ARID3B: variants seen among roughly 807,000 people sequenced by gnomAD.
ARID3B encodes the protein AT-rich interaction domain 3B, also known as AT-rich interactive domain-containing protein 3B.
A neutral mutation model predicts 51.9 loss-of-function variants in ARID3B; 10 were observed. The ratio of observed to expected loss-of-function variants is 0.19; its 90% CI spans 0.12 to 0.33. The LOEUF (loss-of-function observed/expected upper bound fraction) is 0.33. Ranked by LOEUF, ARID3B falls within the 10% of genes least tolerant of loss-of-function variation. The probability of loss-of-function intolerance (pLI) is 1.00; values close to 1 mark genes in which losing one functional copy is unlikely to be tolerated. For synonymous variants in ARID3B, 205 were observed against 279.5 expected, an observed-to-expected ratio of 0.73 and a Z score of 2.66; for missense variants, 483 against 716.3, an observed-to-expected ratio of 0.67 and a Z score of 3.72.
intron 1 of ARID3B, 139 bp from the exon 2 acceptor site, chr15:74,543,721 C>G: frequency 1.8e-6 from 1 of 543,792 alleles, no homozygotes. Flanking sequence ...ACTCACTCAT[C>G]TTAAAACTCA....
intron 4 of ARID3B, among the ~76,000 whole-genome samples, chr15:74,586,597 C>T (rs925275846): frequency 6.6e-6 from 1 of 152,220 alleles, no homozygotes; most frequent in Non-Finnish European, 1.5e-5. Flanking sequence ...CAGCCGGGTG[C>T]GTGGCTCACG....
At chr15:74,564,799 A>T (rs2061691840) in intron 2 of ARID3B, among the ~76,000 whole-genome samples, 1 of 151,844 alleles carries the variant, frequency 6.6e-6, no homozygotes, top group Non-Finnish European at 1.5e-5. Flanking sequence ...ATGGGGTTTC[A>T]CCATGTTGCC....
intron 4 of ARID3B, among the ~76,000 whole-genome samples, chr15:74,579,872 T>TGTGTGTGTGTGTGTGTGTGC (rs1488209764): frequency 1.7e-5 from 2 of 118,936 alleles, no homozygotes; most frequent in Non-Finnish European, 3.3e-5. Flanking sequence ...TGTGTGTGTG[T>TGTGTGTGTGTGTGTGTGTGC]GCGCGCGCGC....
intron 2 of ARID3B, among the ~76,000 whole-genome samples, chr15:74,569,244 G>A (rs2061710597): frequency 6.6e-6 from 1 of 152,192 alleles, no homozygotes; most frequent in Admixed American, 6.5e-5. Context: ...CCCACCCAAT[G>A]AAAGGGGGAG....
chr15:74,565,868 G>C (rs1392307137), intron 2 of ARID3B, among the ~76,000 whole-genome samples: 2 of 152,100 alleles, frequency 1.3e-5, no homozygotes, highest in Admixed American at 1.3e-4. Flanking sequence ...CCTGCTGCCA[G>C]GTGCCATAAC....
chr15:74,593,196 C>T lies in ARID3B; in HGVS notation c.1479C>T (p.Ser493=), dbSNP rs1316845350. 1.9e-6 allele frequency: 3 copies of T among 1,613,698 alleles called. No individual in the cohort carries two copies. Among genetic ancestry groups the T allele is most frequent in the Admixed American group, 3.3e-5 (2 of 60,028 alleles). The change falls in exon 8 of 9, where the codon AGC becomes AGT. Residue 493 remains serine, a synonymous_variant. Transcript: ENST00000346246. ...ALNLTTSSIG[S]INMSVDIDGT... ...ACCTGACCACGAGTAGCATTGGGAG[C>T]ATTAACATGTCTGTGGACATCGATG...
intron 8 of ARID3B, among the ~76,000 whole-genome samples, chr15:74,594,220 G>A (rs1481040112): frequency 2.0e-5 from 3 of 152,176 alleles, no homozygotes; most frequent in Admixed American, 1.3e-4. Context: ...AGGCCAAGGC[G>A]GGTGGATCAC....
chr15:74,543,078 G>A (rs1379372466), intron 1 of ARID3B, among the ~76,000 whole-genome samples: 1 of 152,216 alleles, frequency 6.6e-6, no homozygotes, highest in Non-Finnish European at 1.5e-5. Context: ...AGACAATGTT[G>A]ATATCTGTTT....
At chr15:74,587,405 G>GTTCCTGCC (rs2061785504) in intron 4 of ARID3B, among the ~76,000 whole-genome samples, 2 of 152,232 alleles carry the variant, frequency 1.3e-5, no homozygotes, top group African/African-American at 2.4e-5. Context: ...CTGACACGAG[G>GTTCCTGCC]TTCCTGCCTT....
rs1181094013 is a variant in ARID3B at position 74,596,624 on chromosome 15, C to T, written c.*850C>T. 8 of 233,800 alleles carry T rather than the reference C, an allele frequency of 3.4e-5. No homozygotes were observed. The highest frequency in any genetic ancestry group is 1.8e-4 in the East Asian group (3 of 16,600). 14.5% of individuals were successfully genotyped at this position (233,800 alleles called of 1,614,324 possible). A position where few individuals can be genotyped will look rare whatever the true frequency, so the allele number is the denominator to read the frequency against. ...GTCCTCCCCAGCCTTCTTCAGCCTTCTTCAGCTCAGCCCTCTTCTATTTCT... is the reference window on the plus strand; with the variant it reads ...GTCCTCCCCAGCCTTCTTCAGCCTTTTTCAGCTCAGCCCTCTTCTATTTCT... On this transcript the variant is annotated 3_prime_UTR_variant, in exon 9 of 9. Coordinates refer to ENST00000346246, the MANE Select transcript of ARID3B (RefSeq NM_006465.4).
intron 2 of ARID3B, among the ~76,000 whole-genome samples, chr15:74,553,618 G>A (rs1395319851): frequency 2.0e-5 from 3 of 151,972 alleles, no homozygotes; most frequent in Non-Finnish European, 4.4e-5. Flanking sequence ...ATTGTAGTTG[G>A]GAAACGAGCA....
At chr15:74,578,188 G>T (rs8025915) in intron 4 of ARID3B, among the ~76,000 whole-genome samples, 34,926 of 147,934 alleles carry the variant, frequency 0.24, 5,482 homozygotes, top group East Asian at 0.55. Flanking sequence ...TGTTTTTTTT[G>T]TTTTAAGCAA....
At chr15:74,593,313 C>G in intron 8 of ARID3B, 77 bp downstream of exon 8, 4 of 1,365,810 alleles carry the variant, frequency 2.9e-6, no homozygotes, top group South Asian at 2.5e-5. Flanking sequence ...GGCCCTGCCT[C>G]TTACCCTCTG....
intron 5 of ARID3B, 107 bp downstream of exon 5, chr15:74,590,110 G>A: frequency 7.7e-7 from 1 of 1,299,742 alleles, no homozygotes; most frequent in African/African-American, 1.5e-5. Flanking sequence ...AGCAAGATGA[G>A]TGGATTCCCG....
intron 2 of ARID3B, among the ~76,000 whole-genome samples, chr15:74,546,423 C>T (rs1363928738): frequency 1.3e-5 from 2 of 152,194 alleles, no homozygotes; most frequent in East Asian, 1.9e-4. Context: ...AAAGTGCAGC[C>T]GCATGCGAGG....
chr15:74,596,767 C>G lies in ARID3B; in HGVS notation c.*993C>G, dbSNP rs1049811730. On this transcript the variant is annotated 3_prime_UTR_variant, in exon 9 of 9. Coordinates refer to ENST00000346246, the MANE Select transcript of ARID3B (RefSeq NM_006465.4). ...CAGGAAGTATTTGCATCTCTGAAAT[C>G]TTTTTTATATGTGTTTTGCTGACTT... 2 of 233,040 alleles carry G rather than the reference C, an allele frequency of 8.6e-6. No individual in the cohort carries two copies. Among genetic ancestry groups the G allele is most frequent in the African/African-American group, 4.4e-5 (2 of 45,148 alleles). The allele number at this position is 233,040 out of a possible 1,614,324, so 14.4% of individuals were successfully genotyped here.
chr15:74,577,386 C>T (rs1448311636), intron 4 of ARID3B, among the ~76,000 whole-genome samples: 6 of 151,784 alleles, frequency 4.0e-5, no homozygotes, highest in African/African-American at 1.2e-4. Context: ...ACCCGGGAGG[C>T]GGAGGTTGCA....
At chr15:74,567,378 C>G (rs1171305541) in intron 2 of ARID3B, among the ~76,000 whole-genome samples, 1 of 152,074 alleles carries the variant, frequency 6.6e-6, no homozygotes, top group Non-Finnish European at 1.5e-5. Context: ...CTATTATATG[C>G]TATATGTGTT....
intron 2 of ARID3B, among the ~76,000 whole-genome samples, chr15:74,567,803 C>G (rs2061704953): frequency 6.6e-6 from 1 of 152,216 alleles, no homozygotes; most frequent in Non-Finnish European, 1.5e-5. Flanking sequence ...CCTAGTTTCT[C>G]TTCACTCACT....
Sources: gnomAD v4.1 joint callset for allele counts (sites outside exome capture counted in the v4.1 genomes callset) on GRCh38, gnomAD v4.1.1 for gene constraint, MANE v1.5 for transcripts, NCBI Gene and HGNC (gene_info 2026-07-23, HGNC 2026-07-21) for gene names.